Variants in DOCK2 observed in about 807,000 individuals in gnomAD.
DOCK2 encodes dedicator of cytokinesis protein 2.
In DOCK2, 87 loss-of-function variants were observed where a neutral mutation model predicts 248.9. The ratio of observed to expected loss-of-function variants is 0.35; its 90% CI spans 0.29 to 0.42. DOCK2 has a LOEUF of 0.42. Among genes scored for constraint, DOCK2 ranks in the 10% least tolerant of loss-of-function variants. The pLI, the probability that DOCK2 is intolerant of heterozygous loss-of-function variation, is 1.00. For synonymous variants in DOCK2, 805 were observed against 821.6 expected (o/e 0.98, Z 0.35); for missense variants, 1,747 against 2,300.2 (o/e 0.76, Z 4.92).
chr5:169,936,497 A>G (rs747048422), intron 27 of DOCK2, among the ~76,000 whole-genome samples: 1 of 152,170 alleles, frequency 6.6e-6, no homozygotes, highest in Non-Finnish European at 1.5e-5. Flanking sequence ...TAAGATAATC[A>G]AAATGAATAA....
intron 25 of DOCK2, among the ~76,000 whole-genome samples, chr5:169,774,510 G>A (rs551481705): frequency 4.7e-4 from 72 of 152,308 alleles, no homozygotes; most frequent in Middle Eastern, 3.4e-3. Context: ...ACTGGGGTCT[G>A]TCTGATTCCC....
chr5:169,796,372 A>G (rs1398700476), intron 25 of DOCK2, among the ~76,000 whole-genome samples: 1 of 152,144 alleles, frequency 6.6e-6, no homozygotes, highest in African/African-American at 2.4e-5. Flanking sequence ...CATGAGTTTC[A>G]TGGAGGAGAG....
chr5:169,776,265 C>T (rs190457200), intron 25 of DOCK2, among the ~76,000 whole-genome samples: 20 of 151,548 alleles, frequency 1.3e-4, no homozygotes, highest in Admixed American at 3.9e-4. Flanking sequence ...TGGGCTCAAG[C>T]AATCTTCCCA....
intron 32 of DOCK2, among the ~76,000 whole-genome samples, chr5:170,014,436 C>A (rs1009022090): frequency 6.6e-6 from 1 of 152,002 alleles, no homozygotes; most frequent in Non-Finnish European, 1.5e-5. Flanking sequence ...AAGTGTTATA[C>A]TAAACATGTA....
chr5:169,936,019 A>G (rs1167857233), intron 27 of DOCK2, among the ~76,000 whole-genome samples: 1 of 152,162 alleles, frequency 6.6e-6, no homozygotes, highest in African/African-American at 2.4e-5. Context: ...GGGAGGTGGC[A>G]TGGCGGTGGG....
chr5:170,018,985 A>G lies in DOCK2; in HGVS notation c.3258A>G (p.Pro1086=). The G allele has an allele frequency of 6.2e-7, 1 of 1,613,984 alleles. No homozygotes were observed. The highest frequency in any genetic ancestry group is 8.5e-7 in the Non-Finnish European group (1 of 1,179,916). ...KLGQNKICFI[P]GMVGPILEMT... ...GTCAGAACAAAATCTGCTTCATCCC[A>G]GGCATGGTAGGACCTATATTAGAGA... Residue 1086 remains proline (P), a synonymous_variant, in exon 33 of 52, where the codon CCA becomes CCG. Coordinates refer to ENST00000520908, the MANE Select transcript of DOCK2 (RefSeq NM_004946.3).
intron 23 of DOCK2, among the ~76,000 whole-genome samples, chr5:169,755,096 C>T (rs1203545963): frequency 6.6e-6 from 1 of 151,724 alleles, no homozygotes; most frequent in Non-Finnish European, 1.5e-5. Flanking sequence ...TGCCACCATG[C>T]CTGGGTATTT....
intron 27 of DOCK2, among the ~76,000 whole-genome samples, chr5:169,859,628 C>T (rs573291839): frequency 5.9e-5 from 9 of 152,336 alleles, no homozygotes; most frequent in African/African-American, 1.7e-4. Context: ...AAGGTAAGAA[C>T]GGGTTTCAAG....
At position 169,681,751 on chromosome 5, in the gene DOCK2, G is replaced by A. The variant is rs770704966; in HGVS notation, c.478G>A (p.Glu160Lys). The part of the protein sequence containing the change: ...SKIDYGNKIL[E>K]LDLIVRDEDG... ...CCAGTTTTTGCTTTACAGAATCCTT[G>A]AGCTTGATTTGATTGTCAGAGATGA... The change falls in exon 7 of 52, where the codon GAG (glutamate) becomes AAG (lysine). Residue 160 changes from glutamate to lysine, a missense_variant. Around this residue, in one of 4 missense-constraint regions of DOCK2, gnomAD observed 375 missense variants for 510.9 expected, o/e 0.73. Coordinates refer to ENST00000520908, the MANE Select transcript of DOCK2 (RefSeq NM_004946.3). The A allele has an allele frequency of 6.2e-7, 1 of 1,613,606 alleles. No homozygotes were observed. Among genetic ancestry groups the A allele is most frequent in the Non-Finnish European group, 8.5e-7 (1 of 1,179,784 alleles).
intron 30 of DOCK2, among the ~76,000 whole-genome samples, chr5:170,001,868 C>G (rs1754844712): frequency 6.6e-6 from 1 of 152,102 alleles, no homozygotes; most frequent in Non-Finnish European, 1.5e-5. Context: ...ATGGGTGAAT[C>G]TACTTTGCTT....
chr5:169,972,601 T>C (rs970535118), intron 27 of DOCK2, among the ~76,000 whole-genome samples: 3 of 90,266 alleles, frequency 3.3e-5, no homozygotes, highest in Non-Finnish European at 7.9e-5. Flanking sequence ...GATAGATAGA[T>C]AGATAGATAG....
In DOCK2 at chr5:169,694,255, G is replaced by A. The variant is rs956889896; in HGVS notation, c.844-1548G>A. Among the ~76,000 whole-genome samples, 9 of 152,330 alleles carry A rather than the reference G, an allele frequency of 5.9e-5. 1 individual carries two copies. The South Asian group carries it at 6.2e-4, about 11-fold the overall frequency. ...CATATGCCCATATGAGAATTAACTCGAAGGAGAATAAACTGTTCCCTTTTG... is the reference window on the plus strand; with the variant it reads ...CATATGCCCATATGAGAATTAACTCAAAGGAGAATAAACTGTTCCCTTTTG... On this transcript the variant is annotated intron_variant, in intron 9 of 51. Transcript: ENST00000520908.
rs773215208 is a variant in DOCK2, at chr5:170,067,623, C to T, written c.4581C>T (p.Leu1527=). Residue 1527 remains leucine, a synonymous_variant, in exon 45 of 52, where the codon CTC becomes CTT. Transcript: ENST00000520908. ...ATGAGACCCTCCCCATCAACCCACTCTCCATGCTCCTGAACGGGATTGTGG... is the reference window on the plus strand; with the variant it reads ...ATGAGACCCTCCCCATCAACCCACTTTCCATGCTCCTGAACGGGATTGTGG... ...QSDETLPINP[L]SMLLNGIVDP... 6.2e-7 allele frequency: 1 copy of T among 1,614,214 alleles called. No homozygotes were observed.
At chr5:169,892,789 A>G (rs1273981182) in intron 27 of DOCK2, among the ~76,000 whole-genome samples, 1 of 152,196 alleles carries the variant, frequency 6.6e-6, no homozygotes, top group African/African-American at 2.4e-5. Context: ...GAACATAACA[A>G]ACATGACCAG....
chr5:170,011,683 G>A (rs1755301879), intron 32 of DOCK2, among the ~76,000 whole-genome samples: 2 of 152,126 alleles, frequency 1.3e-5, no homozygotes, highest in Admixed American at 6.6e-5. Flanking sequence ...TGTCCCATGA[G>A]AATCAGCAGA....
At chr5:170,018,647 T>G (rs537703296) in intron 32 of DOCK2, among the ~76,000 whole-genome samples, 5 of 152,304 alleles carry the variant, frequency 3.3e-5, no homozygotes, top group Non-Finnish European at 7.3e-5. Flanking sequence ...TCTAACATAT[T>G]CAATCATGGC....
chr5:169,970,769 T>C (rs1411694587), intron 27 of DOCK2, among the ~76,000 whole-genome samples: 2 of 152,230 alleles, frequency 1.3e-5, no homozygotes, highest in South Asian at 2.1e-4. Context: ...CTTTTTTCTT[T>C]TCTAGATGGA....
At chr5:170,033,550 A>G (rs1756218345) in intron 34 of DOCK2, among the ~76,000 whole-genome samples, 1 of 152,196 alleles carries the variant, frequency 6.6e-6, no homozygotes, top group African/African-American at 2.4e-5. Context: ...GTACACTTGC[A>G]CACACATGCA....
intron 27 of DOCK2, chr5:169,934,564 T>A: frequency 2.2e-6 from 1 of 449,916 alleles, no homozygotes; most frequent in Admixed American, 2.4e-5. Context: ...CACACACACC[T>A]GGATCTAAAT....
Sources: gnomAD v4.1 joint callset for allele counts (sites outside exome capture counted in the v4.1 genomes callset) on GRCh38, gnomAD v4.1.1 for gene constraint, gnomAD v4.1.1 regional missense constraint, MANE v1.5 for transcripts, NCBI Gene and HGNC (gene_info 2026-07-23, HGNC 2026-07-21) for gene names.